Variants in KLHDC9 observed in about 807,000 individuals in gnomAD.
The protein encoded by KLHDC9 is kelch domain containing 9.
In KLHDC9, 26 loss-of-function variants were observed where a neutral mutation model predicts 31.5. The ratio of observed to expected loss-of-function variants is 0.83; its 90% CI spans 0.61 to 1.15. The LOEUF is 1.15. Among genes scored for constraint, KLHDC9 ranks in the 50% most tolerant of loss-of-function variants. The probability of loss-of-function intolerance (pLI) is 0.00; values close to 1 mark genes in which losing one functional copy is unlikely to be tolerated. For synonymous variants in KLHDC9, 176 were observed against 184.7 expected (o/e 0.95, Z 0.38); for missense variants, 437 against 467.7 (o/e 0.93, Z 0.61).
At position 161,098,773 on chromosome 1, in the gene KLHDC9, A is replaced by C. The variant is rs760688768; in HGVS notation, c.238A>C (p.Ser80Arg). 3 of 1,598,690 alleles carry C rather than the reference A, an allele frequency of 1.9e-6. No homozygotes were observed. The East Asian group carries it at 6.8e-5, about 36-fold the overall frequency. Residue 80 changes from serine (S) to arginine (R), a missense_variant, in exon 1 of 4, where the codon AGT becomes CGT. Coordinates refer to ENST00000368011, the MANE Select transcript of KLHDC9 (RefSeq NM_152366.5). This position sits in a 1 kb window ranked among gnomAD's most constrained non-coding sequence, Gnocchi z 6.3. Reference protein sequence around the residue: ...RLGARGSPPRSHHDAAPVDGR... With the variant: ...RLGARGSPPRRHHDAAPVDGR... ...GGGAGCCCGGGGCAGCCCCCCGCGC[A>C]GTCACCACGACGCGGCACCCGTGGA...
In KLHDC9 at chr1:161,099,397, C is replaced by A. The variant is rs749658678; in HGVS notation, c.579C>A (p.Ala193=). 9.3e-6 allele frequency: 15 copies of A among 1,614,238 alleles called. No homozygotes were observed. The Admixed American group carries it at 2.5e-4, about 27-fold the overall frequency. ...CCTCACGCTCAGGTCACTGTGCGGC[C>A]CTGCTCCAAACTCCTGGACCCCATC... ...HTASRSGHCA[A]LLQTPGPHPG... Residue 193 remains alanine, a synonymous_variant, in exon 2 of 4, where the codon GCC becomes GCA. Transcript: ENST00000368011.
rs746126870 is a variant in KLHDC9, at chr1:161,098,859, C to T, written c.324C>T (p.Thr108=). ...WDGSRRLATV[T]ALDTERGVWE... is the part of the protein sequence containing the mutation. Reference sequence around the variant, plus strand: ...GGTCTCGCCGCTTGGCCACAGTGACCGCACTGGACACAGAGCGCGGTGTGT... The same window carrying T: ...GGTCTCGCCGCTTGGCCACAGTGACTGCACTGGACACAGAGCGCGGTGTGT... Residue 108 remains threonine, a synonymous_variant, in exon 1 of 4, where the codon ACC becomes ACT. Transcript: ENST00000368011. The surrounding 1 kb of genome is among the most constrained non-coding windows in gnomAD (Gnocchi z 6.3). 8 of 1,578,526 alleles carry T rather than the reference C, an allele frequency of 5.1e-6. No homozygotes were observed. Among genetic ancestry groups the T allele is most frequent in the African/African-American group, 4.0e-5 (3 of 74,138 alleles).
chr1:161,098,651 G>A lies in KLHDC9; in HGVS notation c.116G>A (p.Arg39Gln), dbSNP rs200214202. The change falls in exon 1 of 4, where the codon CGG (arginine) becomes CAG (glutamine). Residue 39 changes from arginine (R) to glutamine (Q), a missense_variant. By Grantham distance (43) the Arg-to-Gln change is conservative. Coordinates refer to ENST00000368011, the MANE Select transcript of KLHDC9 (RefSeq NM_152366.5). The surrounding 1 kb of genome is among the most constrained non-coding windows in gnomAD (Gnocchi z 6.3). The part of the protein sequence containing the change: ...AFHSCTELRG[R>Q]FYLVGGLLAG... ...CATTCATGCACCGAACTGCGGGGAC[G>A]GTTCTATCTCGTAGGTGGTCTCCTA... 120 of 1,612,800 alleles carry A rather than the reference G, an allele frequency of 7.4e-5. No homozygotes were observed. In the East Asian group the frequency reaches 2.3e-3, roughly 31 times the overall value.
In KLHDC9 at chr1:161,098,398, A is replaced by T; in HGVS notation, c.-138A>T. The T allele has an allele frequency of 1.4e-6, 1 of 691,302 alleles. No individual in the cohort carries two copies. 42.8% of individuals were successfully genotyped at this position (691,302 alleles called of 1,614,324 possible). A position where few individuals can be genotyped will look rare whatever the true frequency, so the allele number is the denominator to read the frequency against. On this transcript the variant is annotated 5_prime_UTR_variant, in exon 1 of 4. Coordinates refer to ENST00000368011, the MANE Select transcript of KLHDC9 (RefSeq NM_152366.5). This position sits in a 1 kb window ranked among gnomAD's most constrained non-coding sequence, Gnocchi z 6.3. ...GGGCGACCACGGAGAGAAAGCCGGGACTTGAGGTGGGAACCCCGGCTGGCG... is the reference window on the plus strand; with the variant it reads ...GGGCGACCACGGAGAGAAAGCCGGGTCTTGAGGTGGGAACCCCGGCTGGCG...
Position 161,098,648 on chromosome 1 carries a change from G to A in KLHDC9, c.113G>A (p.Gly38Glu). The A allele has an allele frequency of 1.9e-6, 3 of 1,612,722 alleles. No homozygotes were observed. Among genetic ancestry groups the A allele is most frequent in the Non-Finnish European group, 2.5e-6 (3 of 1,179,302 alleles). The stretch of plus-strand genomic sequence containing the variant: ...TTCCATTCATGCACCGAACTGCGGG[G>A]ACGGTTCTATCTCGTAGGTGGTCTC... ...RAFHSCTELR[G>E]RFYLVGGLLA... Residue 38 changes from glycine (G) to glutamate (E), a missense_variant, in exon 1 of 4, where the codon GGA becomes GAA. Coordinates refer to ENST00000368011, the MANE Select transcript of KLHDC9 (RefSeq NM_152366.5). This position sits in a 1 kb window ranked among gnomAD's most constrained non-coding sequence, Gnocchi z 6.3.
chr1:161,098,761 A>G lies in KLHDC9; in HGVS notation c.226A>G (p.Ser76Gly). Residue 76 changes from serine (S) to glycine (G), a missense_variant, in exon 1 of 4, where the codon AGC becomes GGC. Coordinates refer to ENST00000368011, the MANE Select transcript of KLHDC9 (RefSeq NM_152366.5). This position sits in a 1 kb window ranked among gnomAD's most constrained non-coding sequence, Gnocchi z 6.3. ...GQAVRLGARGSPPRSHHDAAP... is the reference protein window; with the variant it reads ...GQAVRLGARGGPPRSHHDAAP... The stretch of plus-strand genomic sequence containing the variant: ...GGCCGTACGATTGGGAGCCCGGGGC[A>G]GCCCCCCGCGCAGTCACCACGACGC... The G allele has an allele frequency of 1.2e-6, 2 of 1,601,702 alleles. No homozygotes were observed. Among genetic ancestry groups the G allele is most frequent in the African/African-American group, 1.3e-5 (1 of 74,710 alleles).
intron 3 of KLHDC9, 65 bp from the exon 4 acceptor site, chr1:161,099,996 T>C (rs1654502694): frequency 6.4e-7 from 1 of 1,572,568 alleles, no homozygotes; most frequent in Non-Finnish European, 8.7e-7. Flanking sequence ...CCCTTGGTCA[T>C]GTTGAATTCT....
Position 161,098,742 on chromosome 1 carries a change from A to C in KLHDC9, c.207A>C (p.Val69=). The C allele has an allele frequency of 6.2e-7, 1 of 1,608,216 alleles. No individual in the cohort carries two copies. The highest frequency in any genetic ancestry group is 8.5e-7 in the Non-Finnish European group (1 of 1,177,146). The change falls in exon 1 of 4, where the codon GTA becomes GTC. Residue 69 remains valine (V), a synonymous_variant. Transcript: ENST00000368011. This position sits in a 1 kb window ranked among gnomAD's most constrained non-coding sequence, Gnocchi z 6.3. ...TCGACCCAGCTAGGGGCCAGGCCGT[A>C]CGATTGGGAGCCCGGGGCAGCCCCC... ...VVFDPARGQA[V]RLGARGSPPR...
Position 161,099,400 on chromosome 1 carries a change from G to A in KLHDC9, c.582G>A (p.Leu194=), listed in dbSNP as rs1654466277. The part of the protein sequence containing the change: ...TASRSGHCAA[L]LQTPGPHPGH... ...CACGCTCAGGTCACTGTGCGGCCCT[G>A]CTCCAAACTCCTGGACCCCATCCAG... Residue 194 remains leucine, a synonymous_variant, in exon 2 of 4, where the codon CTG becomes CTA. Transcript: ENST00000368011. 6.2e-7 allele frequency: 1 copy of A among 1,614,104 alleles called. No individual in the cohort carries two copies. Among genetic ancestry groups the A allele is most frequent in the South Asian group, 1.1e-5 (1 of 91,088 alleles).
Position 161,098,521 on chromosome 1 carries a change from C to T in KLHDC9, c.-15C>T, listed in dbSNP as rs1451804375. 6.5e-7 allele frequency: 1 copy of T among 1,538,042 alleles called. No homozygotes were observed. On this transcript the variant is annotated 5_prime_UTR_variant, in exon 1 of 4. Coordinates refer to ENST00000368011, the MANE Select transcript of KLHDC9 (RefSeq NM_152366.5). This position sits in a 1 kb window ranked among gnomAD's most constrained non-coding sequence, Gnocchi z 6.3. ...CAAGCCGCAGACCCCACCGCCCTCC[C>T]TCTCCCCGGGGCCCATGGCGGTGGC...
In KLHDC9 at chr1:161,098,602, G is replaced by T. The variant is rs1336208118; in HGVS notation, c.67G>T (p.Asp23Tyr). ...CTGGGCCTGGAGGCCAGTGGCGCGGGACGCGCTTTTGGCTAGAGCTTTCCA... is the reference window on the plus strand; with the variant it reads ...CTGGGCCTGGAGGCCAGTGGCGCGGTACGCGCTTTTGGCTAGAGCTTTCCA... ...SGWAWRPVAR[D>Y]ALLARAFHSC... Residue 23 changes from aspartate (D) to tyrosine (Y), a missense_variant, in exon 1 of 4, where the codon GAC becomes TAC. Transcript: ENST00000368011. This position sits in a 1 kb window ranked among gnomAD's most constrained non-coding sequence, Gnocchi z 6.3. The T allele has an allele frequency of 3.1e-6, 5 of 1,597,448 alleles. No homozygotes were observed. The South Asian group carries it at 5.6e-5, about 18-fold the overall frequency.
At position 161,099,332 on chromosome 1, in the gene KLHDC9, C is replaced by T; in HGVS notation, c.528-14C>T. 3 of 1,614,126 alleles carry T rather than the reference C, an allele frequency of 1.9e-6. No homozygotes were observed. Among genetic ancestry groups the T allele is most frequent in the Non-Finnish European group, 2.5e-6 (3 of 1,179,954 alleles). On this transcript the variant is annotated splice_polypyrimidine_tract_variant and intron_variant, in intron 1 of 3. Transcript: ENST00000368011. Reference sequence around the variant, plus strand: ...AGAAAACCCACTCAGCCCTGAATTTCTGCATGTCCACAGCTACAAGCAAGA... The same window carrying T: ...AGAAAACCCACTCAGCCCTGAATTTTTGCATGTCCACAGCTACAAGCAAGA...
intron 1 of KLHDC9, 29 bp from the exon 2 acceptor site, chr1:161,099,317 C>T (rs1266057518): frequency 6.2e-7 from 1 of 1,613,986 alleles, no homozygotes. Context: ...AGAAAACCCA[C>T]TCAGCCCTGA....
rs1370923958 is a variant in KLHDC9 at position 161,098,432 on chromosome 1, G to A, written c.-104G>A. ...GGGAACCCCGGCTGGCGTCCGGTAG[G>A]GGGAGGTTCCCGGGGAAGCCCGCGG... On this transcript the variant is annotated 5_prime_UTR_variant, in exon 1 of 4. Transcript: ENST00000368011. The surrounding 1 kb of genome is among the most constrained non-coding windows in gnomAD (Gnocchi z 6.3). The A allele has an allele frequency of 3.7e-6, 4 of 1,083,844 alleles. No homozygotes were observed. Among genetic ancestry groups the A allele is most frequent in the Non-Finnish European group, 3.8e-6 (3 of 788,454 alleles). The allele number at this position is 1,083,844 out of a possible 1,614,324, so 67.1% of individuals were successfully genotyped here. A position where few individuals can be genotyped will look rare whatever the true frequency, so the allele number is the denominator to read the frequency against.
chr1:161,099,173 T>C (rs1221202418), intron 1 of KLHDC9, 111 bp downstream of exon 1: 1 of 1,348,746 alleles, frequency 7.4e-7, no homozygotes, highest in Non-Finnish European at 1.0e-6. Context: ...AGCACCCTCC[T>C]TCCAGGGGAA....
chr1:161,099,438 T>C lies in KLHDC9; in HGVS notation c.620T>C (p.Leu207Ser). 6.2e-7 allele frequency: 1 copy of C among 1,614,258 alleles called. No homozygotes were observed. The highest frequency in any genetic ancestry group is 8.5e-7 in the Non-Finnish European group (1 of 1,180,032). The change falls in exon 2 of 4, where the codon TTG becomes TCG. Residue 207 changes from leucine to serine, a missense_variant. Physicochemically the swap from Leu to Ser is moderately radical, Grantham distance 145. Coordinates refer to ENST00000368011, the MANE Select transcript of KLHDC9 (RefSeq NM_152366.5). The stretch of plus-strand genomic sequence containing the variant: ...GGACCCCATCCAGGTCATCAGCTAT[T>C]GCTCTTTGGAGGTTGCAACTTAGCT... The part of the protein sequence containing the change: ...TPGPHPGHQL[L>S]LFGGCNLAEP...
Position 161,100,200 on chromosome 1 carries a change from G to A in KLHDC9, c.1026G>A (p.Gln342=). ...AGGATGGCAGGACAGCCAGTCCACA[G>A]GTTTGCATCCTGGACTTTATCTAAA... The part of the protein sequence containing the change: ...FGEDGRTASP[Q]VCILDFI The change falls in exon 4 of 4, where the codon CAG becomes CAA. Residue 342 remains glutamine, a synonymous_variant. Transcript: ENST00000368011. The A allele has an allele frequency of 6.2e-7, 1 of 1,614,184 alleles. No individual in the cohort carries two copies. Among genetic ancestry groups the A allele is most frequent in the Non-Finnish European group, 8.5e-7 (1 of 1,180,038 alleles).
rs1432697639 is a variant in KLHDC9, at chr1:161,099,731, T to C, written c.821T>C (p.Phe274Ser). 2 of 1,614,038 alleles carry C rather than the reference T, an allele frequency of 1.2e-6. No individual in the cohort carries two copies. Among genetic ancestry groups the C allele is most frequent in the Non-Finnish European group, 1.7e-6 (2 of 1,179,996 alleles). ...CSVVGPFAVL[F>S]GGETLTRARD... ...GTGGTCGGGCCCTTTGCTGTGCTGT[T>C]TGGTGGAGAAACTCTGACCAGAGCT... is the stretch of plus-strand genomic sequence containing the variant. The change falls in exon 3 of 4, where the codon TTT becomes TCT. Residue 274 changes from phenylalanine (F) to serine (S), a missense_variant. Coordinates refer to ENST00000368011, the MANE Select transcript of KLHDC9 (RefSeq NM_152366.5).
chr1:161,099,794 C>T lies in KLHDC9; in HGVS notation c.884C>T (p.Thr295Ile). 2 of 1,612,024 alleles carry T rather than the reference C, an allele frequency of 1.2e-6. No homozygotes were observed. The highest frequency in any genetic ancestry group is 1.7e-6 in the Non-Finnish European group (2 of 1,178,448). ...TGCAATGATCTCTACATCTATGATA[C>T]TCGTGAGAGCCAGACTAATGGCTGA... ...TICNDLYIYD[T>I]RTSPPLWFHF... Residue 295 changes from threonine to isoleucine, a missense_variant and splice_region_variant, in exon 3 of 4, where the codon ACT (threonine) becomes ATT (isoleucine). Physicochemically the swap from Thr to Ile is moderately conservative, Grantham distance 89. Transcript: ENST00000368011.
Sources: allele counts gnomAD v4.1 joint callset, GRCh38; gene constraint gnomAD v4.1.1; non-coding constraint Gnocchi (gnomAD v3.1); transcripts MANE v1.5; gene names NCBI Gene and HGNC (gene_info 2026-07-23, HGNC 2026-07-21).